ZNF362: variants seen among roughly 807,000 people sequenced by gnomAD.
The protein encoded by ZNF362 is rotund homolog.
Under a neutral mutation model 42.9 loss-of-function variants are expected in ZNF362, and 11 were observed. The observed-to-expected ratio is 0.26, with a 90% CI of 0.16 to 0.42. The LOEUF is 0.42. ZNF362 is among the 20% of genes least tolerant of loss of function. The pLI is 1.00. For missense variants in ZNF362, 362 were observed against 576.2 expected (o/e 0.63, Z 3.81); for synonymous variants, 255 against 257.3 (o/e 0.99, Z 0.09).
the ZNF362 span, among the ~76,000 whole-genome samples, chr1:33,136,524 A>G: frequency 6.6e-6 from 1 of 151,706 alleles, no homozygotes; most frequent in Non-Finnish European, 1.5e-5. Flanking sequence ...GCATGCCACC[A>G]CACCTAGCTA....
the ZNF362 span, among the ~76,000 whole-genome samples, chr1:33,131,609 G>C: frequency 6.6e-6 from 1 of 151,852 alleles, no homozygotes; most frequent in Non-Finnish European, 1.5e-5. Context: ...ATAACATTTT[G>C]TATGTTTAAA....
the ZNF362 span, among the ~76,000 whole-genome samples, chr1:33,150,880 C>T: frequency 6.6e-5 from 10 of 152,276 alleles, no homozygotes; most frequent in South Asian, 2.1e-4. Context: ...GGCAGAAGAG[C>T]GATGCACAGT....
At chr1:33,296,382 C>G (rs1476624084) in intron 8 of ZNF362, among the ~76,000 whole-genome samples, 1 of 152,086 alleles carries the variant, frequency 6.6e-6, no homozygotes, top group East Asian at 2.0e-4. Flanking sequence ...TCCTGGGGGA[C>G]AGCATGGCCC....
chr1:33,216,902 G>A, the ZNF362 span, among the ~76,000 whole-genome samples: 9 of 151,856 alleles, frequency 5.9e-5, no homozygotes, highest in East Asian at 7.9e-4. Flanking sequence ...GAATAAGGGC[G>A]GTGGGGAACC....
At chr1:33,180,830 C>G in the ZNF362 span, among the ~76,000 whole-genome samples, 1 of 149,172 alleles carries the variant, frequency 6.7e-6, no homozygotes, top group Non-Finnish European at 1.5e-5. Context: ...GCCCCGCCCC[C>G]ACGGCCCCGC....
the ZNF362 span, among the ~76,000 whole-genome samples, chr1:33,149,775 T>C: frequency 6.6e-6 from 1 of 152,198 alleles, no homozygotes; most frequent in Non-Finnish European, 1.5e-5. Context: ...TAGCTTTATT[T>C]GTGCCCTGAT....
chr1:33,173,913 G>T, the ZNF362 span, among the ~76,000 whole-genome samples: 1 of 151,948 alleles, frequency 6.6e-6, no homozygotes, highest in Non-Finnish European at 1.5e-5. Flanking sequence ...TGCCCAGGAT[G>T]GTCTCGAACT....
chr1:33,241,230 C>T, the ZNF362 span, among the ~76,000 whole-genome samples: 9 of 152,130 alleles, frequency 5.9e-5, no homozygotes, highest in Middle Eastern at 3.2e-3. Flanking sequence ...CATGGTGGCT[C>T]ACGCCTGTAA....
At chr1:33,231,406 G>T in the ZNF362 span, among the ~76,000 whole-genome samples, 1 of 152,124 alleles carries the variant, frequency 6.6e-6, no homozygotes, top group South Asian at 2.1e-4. Flanking sequence ...TCGTGCTTTA[G>T]CTATTTCCCA....
chr1:33,268,957 C>A (rs988189705), intron 1 of ZNF362, among the ~76,000 whole-genome samples: 3 of 152,194 alleles, frequency 2.0e-5, no homozygotes, highest in South Asian at 2.1e-4. Context: ...CAGGCTCTTA[C>A]AACAGCTGAG....
chr1:33,265,960 A>G (rs974010173), intron 1 of ZNF362, among the ~76,000 whole-genome samples: 1 of 152,118 alleles, frequency 6.6e-6, no homozygotes, highest in Non-Finnish European at 1.5e-5. Flanking sequence ...GCCTTTGCAC[A>G]TGCAGTTCTT....
the ZNF362 span, among the ~76,000 whole-genome samples, chr1:33,171,930 C>T: frequency 2.0e-5 from 3 of 152,022 alleles, no homozygotes; most frequent in Admixed American, 6.5e-5. Context: ...TATAGGCGCC[C>T]GACACCACGC....
upstream of ZNF362, among the ~76,000 whole-genome samples, chr1:33,256,074 C>G (rs1446234154): frequency 6.6e-6 from 1 of 151,578 alleles, no homozygotes; most frequent in Non-Finnish European, 1.5e-5. Context: ...GTGCCCTCCC[C>G]GCGCGGCTCA....
chr1:33,155,724 T>G, the ZNF362 span, among the ~76,000 whole-genome samples: 2 of 152,218 alleles, frequency 1.3e-5, no homozygotes, highest in Admixed American at 1.3e-4. Flanking sequence ...GAGAATTCAC[T>G]TCTCTATCCA....
chr1:33,159,852 C>T, the ZNF362 span: 2 of 1,613,492 alleles, frequency 1.2e-6, no homozygotes, highest in South Asian at 1.1e-5. This position sits in a 1 kb window ranked among gnomAD's most constrained non-coding sequence, Gnocchi z 4.2. Context: ...CCGCCTCCAG[C>T]TCCTCTAGCA....
chr1:33,136,590 G>A, the ZNF362 span, among the ~76,000 whole-genome samples: 2 of 151,406 alleles, frequency 1.3e-5, no homozygotes, highest in African/African-American at 4.9e-5. Context: ...GGCTGGTCTT[G>A]AACTCCTGGC....
intron 2 of ZNF362, among the ~76,000 whole-genome samples, chr1:33,271,978 C>T (rs1216106516): frequency 1.3e-5 from 2 of 152,082 alleles, no homozygotes; most frequent in Non-Finnish European, 2.9e-5. Context: ...GTGGGGACTT[C>T]GGGCTTGGCT....
At chr1:33,223,224 C>G in the ZNF362 span, among the ~76,000 whole-genome samples, 2 of 152,098 alleles carry the variant, frequency 1.3e-5, no homozygotes, top group African/African-American at 4.8e-5. Flanking sequence ...GCACTCCAGC[C>G]TGGTGATAGA....
At chr1:33,248,615 C>A in the ZNF362 span, among the ~76,000 whole-genome samples, 1 of 152,168 alleles carries the variant, frequency 6.6e-6, no homozygotes, top group African/African-American at 2.4e-5. Flanking sequence ...ATTCCAGTGA[C>A]TTGCAAAATT....
Sources: allele counts gnomAD v4.1 joint callset (sites outside exome capture counted in the v4.1 genomes callset), GRCh38; gene constraint gnomAD v4.1.1; non-coding constraint Gnocchi (gnomAD v3.1); transcripts MANE v1.5; gene names NCBI Gene and HGNC (gene_info 2026-07-23, HGNC 2026-07-21).